USP42: variants seen among roughly 807,000 people sequenced by gnomAD.
The protein encoded by USP42 is ubiquitin specific peptidase 42.
Under a neutral mutation model 113.0 loss-of-function variants are expected in USP42, and 23 were observed. That is an observed-to-expected ratio of 0.20 (90% CI 0.15 to 0.29). The LOEUF (loss-of-function observed/expected upper bound fraction) is 0.29, where lower values mean the gene tolerates loss of function less well. USP42 is among the 10% of genes least tolerant of loss of function. The pLI, the probability that USP42 is intolerant of heterozygous loss-of-function variation, is 1.00. For missense variants in USP42, 2,174 were observed against 1,779.8 expected (o/e 1.22, Z -3.99); for synonymous variants, 933 against 699.0 (o/e 1.33, Z -5.28).
In USP42 at chr7:6,140,094, C is replaced by T. The variant is rs770348434; in HGVS notation, c.657-34C>T. The stretch of plus-strand genomic sequence containing the variant: ...CACAGCATCTGGAGTTTTTGCAAAG[C>T]TCTTCTCTCATGTCACTGTTCAACG... On this transcript the variant is annotated intron_variant, in intron 5 of 17. Coordinates refer to ENST00000306177, the MANE Select transcript of USP42 (RefSeq NM_032172.3). 15 of 1,601,240 alleles carry T rather than the reference C, an allele frequency of 9.4e-6. No homozygotes were observed. The Admixed American group carries it at 2.3e-4, about 25-fold the overall frequency.
intron 3 of USP42, among the ~76,000 whole-genome samples, chr7:6,133,712 G>A (rs372043709): frequency 6.6e-6 from 1 of 152,070 alleles, no homozygotes; most frequent in South Asian, 2.1e-4. Context: ...TAGAGATGGG[G>A]TTTTTCTGTG....
chr7:6,157,672 T>A lies in USP42; in HGVS notation c.3943+617T>A, dbSNP rs1782538430. Among the ~76,000 whole-genome samples the A allele has an allele frequency of 2.0e-5, 3 of 152,214 alleles. No individual in the cohort carries two copies. Among genetic ancestry groups the A allele is most frequent in the South Asian group, 4.1e-4 (2 of 4,828 alleles). ...TAGAAATACTTTTGCAGCGTATACG[T>A]TACTCTCCCGAATCCTTAAACCTGT... On this transcript the variant is annotated intron_variant, in intron 16 of 17. Coordinates refer to ENST00000306177, the MANE Select transcript of USP42 (RefSeq NM_032172.3). This position sits in a 1 kb window ranked among gnomAD's most constrained non-coding sequence, Gnocchi z 4.1.
intron 3 of USP42, among the ~76,000 whole-genome samples, chr7:6,124,553 C>T (rs547193914): frequency 2.6e-5 from 4 of 152,216 alleles, no homozygotes; most frequent in East Asian, 3.9e-4. Flanking sequence ...AGTGAGCCCC[C>T]GTGCCCAGCT....
intron 7 of USP42, among the ~76,000 whole-genome samples, chr7:6,141,569 T>A (rs921948824): frequency 1.3e-5 from 2 of 152,026 alleles, no homozygotes; most frequent in East Asian, 3.9e-4. Context: ...TTATTATTTT[T>A]TTTTTTTGAG....
chr7:6,134,055 T>TA (rs1780998666), intron 3 of USP42, among the ~76,000 whole-genome samples: 1 of 152,032 alleles, frequency 6.6e-6, no homozygotes, highest in African/African-American at 2.4e-5. Flanking sequence ...CACGCCCAGC[T>TA]AATTTTTTTG....
the USP42 span, among the ~76,000 whole-genome samples, chr7:6,087,917 G>A: frequency 1.1e-4 from 17 of 151,236 alleles, 2 homozygotes; most frequent in African/African-American, 3.9e-4. Context: ...CTTTGTAGTC[G>A]TGTTGCAAAC....
At chr7:6,151,135 C>A (rs370260557) in intron 14 of USP42, among the ~76,000 whole-genome samples, 1 of 152,174 alleles carries the variant, frequency 6.6e-6, no homozygotes, top group Non-Finnish European at 1.5e-5. Flanking sequence ...AACTGGCACA[C>A]CTGCACAGGG....
intron 6 of USP42, 101 bp downstream of exon 6, chr7:6,140,296 C>A: frequency 1.9e-6 from 2 of 1,064,820 alleles, no homozygotes; most frequent in Non-Finnish European, 2.8e-6. Flanking sequence ...AGGAAAAGTG[C>A]TTCTCTCCAG....
the USP42 span, among the ~76,000 whole-genome samples, chr7:6,083,964 A>T: frequency 6.6e-6 from 1 of 150,782 alleles, no homozygotes; most frequent in East Asian, 1.9e-4. Context: ...AGGGTACCTA[A>T]CTCCCAAGCT....
chr7:6,150,447 C>T lies in USP42; in HGVS notation c.2142C>T (p.Asp714=), dbSNP rs1380238774. ...MPAPLLSLPE[D]KILETFRLSN... ...CTCCTTTGCTGTCTCTCCCAGAAGACAAAATCTTAGAGACCTTCAGGCTTA... is the reference window on the plus strand; with the variant it reads ...CTCCTTTGCTGTCTCTCCCAGAAGATAAAATCTTAGAGACCTTCAGGCTTA... Residue 714 remains aspartate, a synonymous_variant, in exon 14 of 18, where the codon GAC becomes GAT. Transcript: ENST00000306177. 6.2e-7 allele frequency: 1 copy of T among 1,613,930 alleles called. No individual in the cohort carries two copies. The highest frequency in any genetic ancestry group is 8.5e-7 in the Non-Finnish European group (1 of 1,179,884).
intron 1 of USP42, among the ~76,000 whole-genome samples, chr7:6,109,398 T>C (rs1779467562): frequency 1.3e-5 from 2 of 152,114 alleles, no homozygotes; most frequent in African/African-American, 4.8e-5. Context: ...CCTTTCCTTT[T>C]CTTTCTTTCT....
chr7:6,089,218 T>C, the USP42 span, among the ~76,000 whole-genome samples: 1 of 148,636 alleles, frequency 6.7e-6, no homozygotes, highest in African/African-American at 2.6e-5. Context: ...CTAATTTTTT[T>C]TTTTTTTGTA....
At position 6,150,220 on chromosome 7, in the gene USP42, C is replaced by T. The variant is rs747842497; in HGVS notation, c.2024C>T (p.Ala675Val). The T allele has an allele frequency of 1.5e-5, 24 of 1,613,772 alleles. No individual in the cohort carries two copies. Among genetic ancestry groups the T allele is most frequent in the South Asian group, 2.2e-5 (2 of 91,088 alleles). The change falls in exon 13 of 18, where the codon GCG becomes GTG. Residue 675 changes from alanine (A) to valine (V), a missense_variant. Physicochemically the swap from Ala to Val is moderately conservative, Grantham distance 64 (BLOSUM62 0). Transcript: ENST00000306177. ...SDSDPKENGL[A>V]PDGASCQGQP... Reference sequence around the variant, plus strand: ...AGTGACCCGAAAGAAAACGGCCTAGCGCCTGATGGTGCCAGCTGCCAAGGC... The same window carrying T: ...AGTGACCCGAAAGAAAACGGCCTAGTGCCTGATGGTGCCAGCTGCCAAGGC...
At chr7:6,131,877 T>G (rs144802613) in intron 3 of USP42, among the ~76,000 whole-genome samples, 9 of 152,304 alleles carry the variant, frequency 5.9e-5, no homozygotes, top group Non-Finnish European at 1.2e-4. Context: ...CTCCCAGAAG[T>G]GCAAGTCTCA....
intron 3 of USP42, among the ~76,000 whole-genome samples, chr7:6,128,978 G>A (rs1315322709): frequency 2.0e-5 from 3 of 151,964 alleles, no homozygotes; most frequent in Non-Finnish European, 4.4e-5. Context: ...GCGCGACCAT[G>A]CCTGGCTAAT....
upstream of USP42, among the ~76,000 whole-genome samples, chr7:6,100,849 G>A (rs1290417110): frequency 2.7e-5 from 4 of 150,456 alleles, no homozygotes; most frequent in Non-Finnish European, 5.9e-5. Flanking sequence ...TGTATTTTTA[G>A]AAGAGATGGG....
chr7:6,092,904 C>T, the USP42 span: 1 of 150,950 alleles, frequency 6.6e-6, no homozygotes, highest in African/African-American at 2.5e-5. Context: ...TTAGGATAAA[C>T]TTGGCTTAAG....
rs1236641727 is a variant in USP42, at chr7:6,159,990, G to T, written c.*36+497G>T. Among the ~76,000 whole-genome samples, 1 of 152,234 alleles carries T rather than the reference G, an allele frequency of 6.6e-6. No individual in the cohort carries two copies. Among genetic ancestry groups the T allele is most frequent in the Non-Finnish European group, 1.5e-5 (1 of 68,042 alleles). On this transcript the variant is annotated intron_variant, in intron 17 of 17. Transcript: ENST00000306177. The surrounding 1 kb of genome is among the most constrained non-coding windows in gnomAD (Gnocchi z 4.1). The stretch of plus-strand genomic sequence containing the variant: ...CACCGTACAAAACCATAGGAAGGTG[G>T]CCCAGGGCCGGGCGGCAGATCAGGA...
chr7:6,144,006 A>T, intron 8 of USP42, 79 bp from the exon 9 acceptor site: 1 of 857,684 alleles, frequency 1.2e-6, no homozygotes, highest in Non-Finnish European at 1.7e-6. Flanking sequence ...GTTTGAGAAT[A>T]GTAACAAGAA....
Sources: allele counts gnomAD v4.1 joint callset (sites outside exome capture counted in the v4.1 genomes callset), GRCh38; gene constraint gnomAD v4.1.1; non-coding constraint Gnocchi (gnomAD v3.1); transcripts MANE v1.5; gene names NCBI Gene and HGNC (gene_info 2026-07-23, HGNC 2026-07-21).